SAXO1: variants seen among roughly 807,000 people sequenced by gnomAD.
The protein encoded by SAXO1 is 4930500O09Rik.
A neutral mutation model predicts 17.5 loss-of-function variants in SAXO1; 21 were observed. The ratio of observed to expected loss-of-function variants is 1.20; its 90% CI spans 0.85 to 1.72. The LOEUF (loss-of-function observed/expected upper bound fraction) is 1.72. Ranked by LOEUF, SAXO1 falls within the 40% of genes most tolerant of loss-of-function variation. SAXO1 has a pLI of 0.00. For missense variants in SAXO1, 843 were observed against 596.0 expected (o/e 1.41, Z -4.32); for synonymous variants, 274 against 216.5 (o/e 1.27, Z -2.33).
chr9:18,994,766 T>C (rs1029160230), intron 1 of SAXO1, among the ~76,000 whole-genome samples: 2 of 152,198 alleles, frequency 1.3e-5, no homozygotes, highest in East Asian at 3.8e-4. Context: ...GAATTCTAGA[T>C]TGTAAAAGAC....
At chr9:18,943,475 A>T (rs1831663628) in intron 2 of SAXO1, among the ~76,000 whole-genome samples, 1 of 152,222 alleles carries the variant, frequency 6.6e-6, no homozygotes, top group Non-Finnish European at 1.5e-5. Context: ...AACCAATTGT[A>T]GCAGGGAACT....
At chr9:19,004,354 T>A (rs1834405022) in intron 1 of SAXO1, among the ~76,000 whole-genome samples, 1 of 152,170 alleles carries the variant, frequency 6.6e-6, no homozygotes, top group African/African-American at 2.4e-5. Context: ...GAACTTGCAA[T>A]CCTGTTACTG....
intron 1 of SAXO1, among the ~76,000 whole-genome samples, chr9:19,009,741 C>A (rs181801452): frequency 2.2e-4 from 34 of 152,232 alleles, no homozygotes; most frequent in Non-Finnish European, 2.9e-5. Flanking sequence ...CAAAGCCAGT[C>A]AGATTTTCCT....
upstream of SAXO1, among the ~76,000 whole-genome samples, chr9:19,035,791 C>T (rs1368730242): frequency 3.9e-5 from 6 of 152,012 alleles, no homozygotes; most frequent in African/African-American, 1.5e-4. Context: ...GGCATTTTGC[C>T]CTGTCCTAGA....
At chr9:18,963,423 T>C (rs1588447445) in intron 1 of SAXO1, among the ~76,000 whole-genome samples, 1 of 152,234 alleles carries the variant, frequency 6.6e-6, no homozygotes, top group African/African-American at 2.4e-5. Context: ...ATACTGATTC[T>C]TCCTATCCAT....
chr9:19,004,838 C>A (rs536717077), intron 1 of SAXO1, among the ~76,000 whole-genome samples: 1 of 151,962 alleles, frequency 6.6e-6, no homozygotes, highest in Admixed American at 6.6e-5. Context: ...GCACATTGTG[C>A]ACATGTACGC....
At chr9:19,013,265 G>A (rs1280884110) in intron 1 of SAXO1, among the ~76,000 whole-genome samples, 2 of 152,198 alleles carry the variant, frequency 1.3e-5, no homozygotes, top group African/African-American at 4.8e-5. Flanking sequence ...AAATGCAGGT[G>A]GGTGCCTAAA....
chr9:18,982,723 G>C (rs1833442653), intron 1 of SAXO1, among the ~76,000 whole-genome samples: 1 of 152,200 alleles, frequency 6.6e-6, no homozygotes, highest in Admixed American at 6.5e-5. Flanking sequence ...ACTGGATGTA[G>C]AGATGTCTGC....
chr9:19,028,957 A>T (rs1285675518), intron 1 of SAXO1, among the ~76,000 whole-genome samples: 1 of 152,250 alleles, frequency 6.6e-6, no homozygotes, highest in Non-Finnish European at 1.5e-5. Context: ...AATAAAATAA[A>T]ATCCAGAACT....
intron 1 of SAXO1, among the ~76,000 whole-genome samples, chr9:19,038,652 T>G (rs948134790): frequency 6.6e-6 from 1 of 150,532 alleles, no homozygotes; most frequent in Non-Finnish European, 1.5e-5. Flanking sequence ...ATATACCTAA[T>G]GCTAAATGAC....
intron 3 of SAXO1, among the ~76,000 whole-genome samples, chr9:18,931,973 T>G (rs555385903): frequency 3.0e-4 from 45 of 152,360 alleles, no homozygotes; most frequent in African/African-American, 1.0e-3. Context: ...TTTCATTTTC[T>G]TATTATTTTA....
At chr9:19,017,023 A>T (rs765217140) in intron 1 of SAXO1, among the ~76,000 whole-genome samples, 1 of 151,904 alleles carries the variant, frequency 6.6e-6, no homozygotes, top group Non-Finnish European at 1.5e-5. Context: ...ATGCAGACCA[A>T]TTGGGCCTGG....
chr9:19,027,027 G>A, intron 1 of SAXO1: 1 of 841,456 alleles, frequency 1.2e-6, no homozygotes, highest in South Asian at 1.3e-5. Flanking sequence ...ACTGTTGAGA[G>A]TCACCCATGA....
chr9:18,942,014 A>C (rs1252280866), intron 2 of SAXO1, among the ~76,000 whole-genome samples, 175 bp from the exon 3 acceptor site: 1 of 149,220 alleles, frequency 6.7e-6, no homozygotes, highest in Non-Finnish European at 1.5e-5. Context: ...GGGTACCATC[A>C]ATTCCTTCTC....
At position 18,927,758 on chromosome 9, in the gene SAXO1, G is replaced by A; in HGVS notation, c.*294C>T. The A allele has an allele frequency of 3.1e-6, 1 of 326,648 alleles. No individual in the cohort carries two copies. The highest frequency in any genetic ancestry group is 5.6e-6 in the Non-Finnish European group (1 of 179,588). 20.2% of individuals were successfully genotyped at this position (326,648 alleles called of 1,614,324 possible). A position where few individuals can be genotyped will look rare whatever the true frequency, so the allele number is the denominator to read the frequency against. On this transcript the variant is annotated 3_prime_UTR_variant, in exon 4 of 4. Coordinates refer to ENST00000380534, the MANE Select transcript of SAXO1 (RefSeq NM_153707.4). ...ATGATTAAATTAATAAAATACATCT[G>A]GATCAGAGAAACCCTCACAGACCAA...
upstream of SAXO1, among the ~76,000 whole-genome samples, chr9:19,034,259 G>T (rs1835875288): frequency 6.7e-6 from 1 of 149,684 alleles, no homozygotes; most frequent in Non-Finnish European, 1.5e-5. Flanking sequence ...ATATTCAGAG[G>T]GTTTCTTTTT....
rs1554669900 is a variant in SAXO1, at chr9:18,950,845, T to C, written c.131A>G (p.Tyr44Cys). The C allele has an allele frequency of 1.9e-6, 3 of 1,613,886 alleles. No individual in the cohort carries two copies. The highest frequency in any genetic ancestry group is 1.7e-4 in the Middle Eastern group (1 of 6,048). ...GGACTCTCTGGGCAGGTAGGAGTGA[T>C]AGAAAGGGTAGTTCTCGGTATATTC... The part of the protein sequence containing the change: ...LSEYTENYPF[Y>C]HSYLPRESFK... Residue 44 changes from tyrosine (Y) to cysteine (C), a missense_variant, in exon 2 of 4, where the codon TAT becomes TGT. Tyr to Cys is a radical substitution (Grantham distance 194). Coordinates refer to ENST00000380534, the MANE Select transcript of SAXO1 (RefSeq NM_153707.4).
chr9:18,937,316 C>A (rs368714537), intron 3 of SAXO1, among the ~76,000 whole-genome samples: 153 of 152,046 alleles, frequency 1.0e-3, no homozygotes, highest in African/African-American at 3.6e-3. Context: ...GTAGATATGC[C>A]AAACTCTGTC....
At chr9:19,017,688 G>T (rs565658603) in intron 1 of SAXO1, among the ~76,000 whole-genome samples, 8 of 152,200 alleles carry the variant, frequency 5.3e-5, no homozygotes, top group African/African-American at 1.4e-4. Context: ...CTTCAACCAA[G>T]AATCCTGAAT....
Sources: allele counts gnomAD v4.1 joint callset (sites outside exome capture counted in the v4.1 genomes callset), GRCh38; gene constraint gnomAD v4.1.1; transcripts MANE v1.5; gene names NCBI Gene and HGNC (gene_info 2026-07-23, HGNC 2026-07-21).